Variants in GPC3 observed in about 807,000 individuals in gnomAD.
The protein encoded by GPC3 is glypican-3.
In GPC3, 3 loss-of-function variants were observed where a neutral mutation model predicts 34.4. That is an observed-to-expected ratio of 0.09 (90% CI 0.04 to 0.23). GPC3 has a LOEUF of 0.23. Ranked by LOEUF, GPC3 falls within the 10% of genes least tolerant of loss-of-function variation. The pLI is 1.00. For synonymous variants in GPC3, 177 were observed against 174.0 expected, an observed-to-expected ratio of 1.02 and a Z score of -0.13; for missense variants, 351 against 445.6, an observed-to-expected ratio of 0.79 and a Z score of 1.91.
At chrX:133,563,345 G>A (rs1198353574) in intron 7 of GPC3, among the ~76,000 whole-genome samples, 1 of 111,499 alleles carries the variant, frequency 9.0e-6, no homozygotes, top group Non-Finnish European at 1.9e-5. Flanking sequence ...ATCTTCCTGA[G>A]TAGCTGGGAC....
At chrX:133,646,234 TAGAC>T (rs1240200738) in intron 6 of GPC3, among the ~76,000 whole-genome samples, 4 of 111,353 alleles carry the variant, frequency 3.6e-5, no homozygotes, top group African/African-American at 1.3e-4. Flanking sequence ...AAAAGGATCT[TAGAC>T]AGAATTGTAC....
intron 2 of GPC3, among the ~76,000 whole-genome samples, chrX:133,785,017 A>G (rs757367211): frequency 8.9e-5 from 10 of 111,921 alleles, no homozygotes; most frequent in Non-Finnish European, 1.7e-4. Flanking sequence ...TGCAGGAAAC[A>G]GATCAGTGGA....
intron 1 of GPC3, among the ~76,000 whole-genome samples, chrX:133,965,949 A>G (rs1370388572): frequency 9.0e-6 from 1 of 111,575 alleles, no homozygotes; most frequent in African/African-American, 3.3e-5. Flanking sequence ...AGTGTTAAAA[A>G]GGGGGGAAAG....
chrX:133,599,379 A>G (rs1343434414), intron 6 of GPC3, among the ~76,000 whole-genome samples: 2 of 112,280 alleles, frequency 1.8e-5, no homozygotes, highest in Non-Finnish European at 3.8e-5. Flanking sequence ...TACAATGACT[A>G]CTAGTACATT....
chrX:133,570,819 G>A (rs908874022), intron 7 of GPC3, among the ~76,000 whole-genome samples: 22 of 111,086 alleles, frequency 2.0e-4, no homozygotes, highest in African/African-American at 6.2e-4. Context: ...TATTGTTATA[G>A]CCAGTGTACC....
intron 2 of GPC3, among the ~76,000 whole-genome samples, chrX:133,896,658 G>C (rs1976143810): frequency 9.0e-6 from 1 of 110,998 alleles, no homozygotes; most frequent in African/African-American, 3.3e-5. Flanking sequence ...TCTATCTAAG[G>C]CAACAAAGGA....
Position 133,852,838 on chromosome X carries a change from T to C in GPC3, c.338-98662A>G, listed in dbSNP as rs187449870. On this transcript the variant is annotated intron_variant, in intron 2 of 7. Coordinates refer to ENST00000370818, the MANE Select transcript of GPC3 (RefSeq NM_004484.4). The stretch of plus-strand genomic sequence containing the variant: ...ACCATTACCACCTATAACTTCTACT[T>C]GACCCTATCTGGTAGAGTACTTCAC... Among the ~76,000 whole-genome samples the C allele has an allele frequency of 4.8e-3, 529 of 110,449 alleles. 3 individuals are homozygous for C. Among genetic ancestry groups the C allele is most frequent in the Non-Finnish European group, 8.0e-3 (423 of 52,875 alleles).
intron 2 of GPC3, among the ~76,000 whole-genome samples, chrX:133,860,938 C>CA (rs3216448): frequency 0.21 from 22,704 of 109,755 alleles, 2,220 homozygotes; most frequent in African/African-American, 0.33. Flanking sequence ...TCTGTCTCTA[C>CA]AAAAAATAGA....
At chrX:133,825,213 C>T (rs959576356) in intron 2 of GPC3, among the ~76,000 whole-genome samples, 2 of 111,966 alleles carry the variant, frequency 1.8e-5, no homozygotes, top group African/African-American at 6.5e-5. Context: ...ACTCAGGGAG[C>T]AGTTATTCAA....
chrX:133,912,226 G>A (rs956645942), intron 2 of GPC3, among the ~76,000 whole-genome samples: 1 of 112,267 alleles, frequency 8.9e-6, no homozygotes, highest in African/African-American at 3.2e-5. Flanking sequence ...TACACAGGAG[G>A]GGTGGGATTA....
chrX:133,611,986 GAC>G (rs2070117759), intron 6 of GPC3, among the ~76,000 whole-genome samples: 1 of 112,302 alleles, frequency 8.9e-6, no homozygotes, highest in Non-Finnish European at 1.9e-5. Flanking sequence ...CAACATCAGA[GAC>G]AGAGTGCACA....
chrX:133,647,461 C>A (rs1270614132), intron 6 of GPC3, among the ~76,000 whole-genome samples: 1 of 112,509 alleles, frequency 8.9e-6, no homozygotes, highest in African/African-American at 3.2e-5. Context: ...TCCTTGTCAG[C>A]ACATGCTTGA....
intron 3 of GPC3, among the ~76,000 whole-genome samples, chrX:133,726,663 C>A (rs749943817): frequency 2.2e-4 from 24 of 111,297 alleles, no homozygotes; most frequent in African/African-American, 7.8e-4. Context: ...TCAAATATTC[C>A]TTCTCCCCTT....
chrX:133,874,999 G>T (rs1400964350), intron 2 of GPC3, among the ~76,000 whole-genome samples: 2 of 112,232 alleles, frequency 1.8e-5, no homozygotes, highest in African/African-American at 6.5e-5. Context: ...GACAGATTCT[G>T]GGCTATCACT....
At chrX:133,678,182 T>C (rs1455950055) in intron 5 of GPC3, among the ~76,000 whole-genome samples, 2 of 111,971 alleles carry the variant, frequency 1.8e-5, no homozygotes, top group Admixed American at 9.5e-5. Context: ...AATTAGTCAA[T>C]GCATACAAAC....
chrX:133,729,840 G>T (rs1015686035), intron 3 of GPC3, among the ~76,000 whole-genome samples: 1 of 112,052 alleles, frequency 8.9e-6, no homozygotes, highest in African/African-American at 3.2e-5. Context: ...TTTAATTAAC[G>T]CTGATACTTT....
Position 133,661,734 on chromosome X carries a change from T to A in GPC3, c.1409A>T (p.Asn470Ile). 1.7e-6 allele frequency: 2 copies of A among 1,147,676 alleles called. No individual in the cohort carries two copies. Among genetic ancestry groups the A allele is most frequent in the South Asian group, 3.6e-5 (2 of 55,352 alleles). The allele number at this position is 1,147,676 out of a possible 1,213,427, so 94.6% of individuals were successfully genotyped here. A position where few individuals can be genotyped will look rare whatever the true frequency, so the allele number is the denominator to read the frequency against. The change falls in exon 6 of 8, where the codon AAC becomes ATC. Residue 470 changes from asparagine to isoleucine, a missense_variant. By Grantham distance (149) the Asn-to-Ile change is moderately radical (BLOSUM62 -3). Transcript: ENST00000370818. The stretch of plus-strand genomic sequence containing the variant: ...TATTTTTTATATTCCACATACCTGG[T>A]TAATGTGCTTCAGTTTGTCAATAAT... Reference protein sequence around the residue: ...SQIIDKLKHINQLLRTMSMPK... With the variant: ...SQIIDKLKHIIQLLRTMSMPK...
At chrX:133,867,058 C>T (rs1356758280) in intron 2 of GPC3, among the ~76,000 whole-genome samples, 2 of 110,111 alleles carry the variant, frequency 1.8e-5, no homozygotes, top group Non-Finnish European at 3.8e-5. Context: ...ATTAGCTGGG[C>T]ATGGTGGTGC....
chrX:133,985,171 G>T, intron 1 of GPC3, 104 bp downstream of exon 1: 1 of 905,294 alleles, frequency 1.1e-6, no homozygotes, highest in Non-Finnish European at 1.6e-6. Context: ...CAGCTGCAGG[G>T]CGCACGACTA....
Sources: allele counts gnomAD v4.1 joint callset (sites outside exome capture counted in the v4.1 genomes callset), GRCh38; gene constraint gnomAD v4.1.1; transcripts MANE v1.5; gene names NCBI Gene and HGNC (gene_info 2026-07-23, HGNC 2026-07-21).